Variants in WDHD1 observed in about 807,000 individuals in gnomAD.
WDHD1 encodes the protein WD repeat and HMG-box DNA-binding protein 1.
Under a neutral mutation model 135.4 loss-of-function variants are expected in WDHD1, and 111 were observed. The observed-to-expected ratio is 0.82, with a 90% confidence interval of 0.70 to 0.96. The LOEUF (loss-of-function observed/expected upper bound fraction) is 0.96. Ranked by LOEUF, WDHD1 falls within the 40% of genes least tolerant of loss-of-function variation. The pLI, the probability that WDHD1 is intolerant of heterozygous loss-of-function variation, is 0.00. For missense variants in WDHD1, 1,351 were observed against 1,336.3 expected (o/e 1.01, Z -0.17); for synonymous variants, 434 against 439.0 (o/e 0.99, Z 0.14).
At chr14:55,016,077 G>T (rs902893186) in intron 2 of WDHD1, among the ~76,000 whole-genome samples, 1 of 152,174 alleles carries the variant, frequency 6.6e-6, no homozygotes, top group African/African-American at 2.4e-5. Context: ...TGGGACCAAT[G>T]GAAAATTATA....
In WDHD1 at chr14:54,941,310, T is replaced by C. The variant is rs528305881; in HGVS notation, c.*180A>G. 4 of 472,172 alleles carry C rather than the reference T, an allele frequency of 8.5e-6. No individual in the cohort carries two copies. The highest frequency in any genetic ancestry group is 7.9e-5 in the African/African-American group (4 of 50,414). 29.2% of individuals were successfully genotyped at this position (472,172 alleles called of 1,614,324 possible). A position where few individuals can be genotyped will look rare whatever the true frequency, so the allele number is the denominator to read the frequency against. On this transcript the variant is annotated 3_prime_UTR_variant, in exon 26 of 26. Coordinates refer to ENST00000360586, the MANE Select transcript of WDHD1 (RefSeq NM_007086.4). The stretch of plus-strand genomic sequence containing the variant: ...GAGGCAGAGTAATCTGCAAAGATGA[T>C]AGTTTTTACATATGTCCTGTTACCT...
intron 3 of WDHD1, among the ~76,000 whole-genome samples, chr14:55,011,914 T>C (rs1278495045): frequency 6.6e-6 from 1 of 152,180 alleles, no homozygotes; most frequent in African/African-American, 2.4e-5. Flanking sequence ...AATTGTGCTT[T>C]TACTATCCTT....
At chr14:54,991,186 G>A (rs748579553) in intron 12 of WDHD1, 27 bp downstream of exon 12, 3 of 1,304,898 alleles carry the variant, frequency 2.3e-6, no homozygotes, top group Admixed American at 1.9e-5. Context: ...AACCTACTAA[G>A]AAGTTAAGTG....
At chr14:54,992,935 A>T (rs192979579) in intron 11 of WDHD1, among the ~76,000 whole-genome samples, 5 of 152,262 alleles carry the variant, frequency 3.3e-5, no homozygotes, top group East Asian at 1.9e-4. Flanking sequence ...TTAATTAATT[A>T]AAAACAACAT....
intron 23 of WDHD1, among the ~76,000 whole-genome samples, chr14:54,956,414 G>A (rs945163129): frequency 6.6e-6 from 1 of 152,084 alleles, no homozygotes; most frequent in Non-Finnish European, 1.5e-5. Flanking sequence ...GAGGTGGGTG[G>A]ATCACTTGAG....
In WDHD1 at chr14:54,972,974, C is replaced by A. The variant is rs188598026; in HGVS notation, c.2064-5580G>T. ...GTAGTCTATATAAGGCATTCAAACA[C>A]GCCCATCATGAGTAGTGCTCTCGCA... On this transcript the variant is annotated intron_variant, in intron 16 of 25. Coordinates refer to ENST00000360586, the MANE Select transcript of WDHD1 (RefSeq NM_007086.4). 3.9e-5 allele frequency among the ~76,000 whole-genome samples: 6 copies of A among 152,252 alleles called. No individual in the cohort carries two copies. The East Asian group carries it at 9.6e-4, about 24-fold the overall frequency.
At chr14:54,979,891 T>C (rs926799863) in intron 16 of WDHD1, among the ~76,000 whole-genome samples, 2 of 152,226 alleles carry the variant, frequency 1.3e-5, no homozygotes, top group African/African-American at 4.8e-5. Context: ...TTTACACAAA[T>C]GGTATTTATT....
intron 12 of WDHD1, among the ~76,000 whole-genome samples, chr14:54,990,811 T>C (rs1183951046): frequency 6.6e-6 from 1 of 152,174 alleles, no homozygotes; most frequent in African/African-American, 2.4e-5. Context: ...CCCATAGTAC[T>C]TGCCACCTTC....
At chr14:54,956,559 AC>A (rs553282161) in intron 23 of WDHD1, among the ~76,000 whole-genome samples, 80 of 152,060 alleles carry the variant, frequency 5.3e-4, no homozygotes, top group African/African-American at 1.6e-3. Context: ...AATTGCTTGA[AC>A]CCAGGAGACA....
At chr14:54,983,284 C>T (rs1168795893) in intron 15 of WDHD1, among the ~76,000 whole-genome samples, 1 of 151,986 alleles carries the variant, frequency 6.6e-6, no homozygotes, top group Admixed American at 6.6e-5. Flanking sequence ...AAAGAAATAT[C>T]ATGTGAGCCA....
At chr14:54,948,983 T>C (rs8005471) in intron 24 of WDHD1, among the ~76,000 whole-genome samples, 63,608 of 151,954 alleles carry the variant, frequency 0.42, 15,053 homozygotes, top group African/African-American at 0.65. Flanking sequence ...AGGACATCCA[T>C]ACCAAAACCC....
chr14:54,973,832 A>C (rs2041478519), intron 16 of WDHD1, among the ~76,000 whole-genome samples: 1 of 152,128 alleles, frequency 6.6e-6, no homozygotes, highest in South Asian at 2.1e-4. Context: ...TATCACAAAG[A>C]AAAAGGAAAT....
At position 54,984,478 on chromosome 14, in the gene WDHD1, G is replaced by A. The variant is rs1016487682; in HGVS notation, c.1906+245C>T. Among the ~76,000 whole-genome samples, 15 of 152,272 alleles carry A rather than the reference G, an allele frequency of 9.9e-5. No homozygotes were observed. In the East Asian group the frequency reaches 2.5e-3, roughly 25 times the overall value. On this transcript the variant is annotated intron_variant, in intron 15 of 25. Coordinates refer to ENST00000360586, the MANE Select transcript of WDHD1 (RefSeq NM_007086.4). ...CCACTGCACTCCAGCCTGGACAACA[G>A]AGCCAGACCCTGTCTTAAAAGAACA...
At chr14:54,964,910 G>C (rs555170296) in intron 18 of WDHD1, among the ~76,000 whole-genome samples, 68 of 152,278 alleles carry the variant, frequency 4.5e-4, no homozygotes, top group Non-Finnish European at 9.0e-4. Flanking sequence ...AAATAAAAAG[G>C]CTACTAGTTC....
chr14:54,972,721 G>C (rs1279304246), intron 16 of WDHD1, among the ~76,000 whole-genome samples: 3 of 151,782 alleles, frequency 2.0e-5, no homozygotes, highest in Non-Finnish European at 2.9e-5. Flanking sequence ...TCAGGAGGCT[G>C]AGACAGAAGG....
At chr14:54,984,631 T>C in intron 15 of WDHD1, 92 bp downstream of exon 15, 1 of 1,034,464 alleles carries the variant, frequency 9.7e-7, no homozygotes, top group Non-Finnish European at 1.3e-6. Context: ...ATTCTTAAAT[T>C]AATTAGGAAT....
At chr14:55,017,345 CTT>C (rs915692103) in intron 2 of WDHD1, among the ~76,000 whole-genome samples, 1 of 144,114 alleles carries the variant, frequency 6.9e-6, no homozygotes, top group African/African-American at 2.5e-5. Flanking sequence ...AATCAATATT[CTT>C]TTTTTTTCTT....
intron 16 of WDHD1, among the ~76,000 whole-genome samples, chr14:54,976,499 A>G (rs2041526825): frequency 1.3e-5 from 2 of 152,170 alleles, no homozygotes; most frequent in Admixed American, 1.3e-4. Flanking sequence ...GCCTGGCCAA[A>G]AATGAATTTC....
intron 1 of WDHD1, 85 bp from the exon 2 acceptor site, chr14:55,026,888 T>C (rs2042455691): frequency 4.5e-6 from 6 of 1,323,898 alleles, no homozygotes; most frequent in African/African-American, 2.9e-5. Context: ...CTTAGTCTCC[T>C]CTAGGGCCCG....
Sources: allele counts gnomAD v4.1 joint callset (sites outside exome capture counted in the v4.1 genomes callset), GRCh38; gene constraint gnomAD v4.1.1; transcripts MANE v1.5; gene names NCBI Gene and HGNC (gene_info 2026-07-23, HGNC 2026-07-21).